The following ATP4B variants were observed in gnomAD, a reference collection of about 807,000 sequenced individuals.
The protein encoded by ATP4B is potassium-transporting ATPase subunit beta.
In ATP4B, 27 loss-of-function variants were observed where a neutral mutation model predicts 35.3. That is an observed-to-expected ratio of 0.76 (90% CI 0.56 to 1.05). ATP4B has a LOEUF of 1.05. Ranked by LOEUF, ATP4B falls within the 50% of genes least tolerant of loss-of-function variation. ATP4B has a pLI of 0.00. For synonymous variants in ATP4B, 162 were observed against 156.0 expected (o/e 1.04, Z -0.29); for missense variants, 375 against 384.8 (o/e 0.97, Z 0.21).
Position 113,650,351 on chromosome 13 carries a change from A to T in ATP4B, c.714+55T>A. Reference sequence around the variant, plus strand: ...GGGGCTTATTGCTTTCCTTTCGCTAAGTGTGAGAGGACTCAGCAGCTGTGG... The same window carrying T: ...GGGGCTTATTGCTTTCCTTTCGCTATGTGTGAGAGGACTCAGCAGCTGTGG... On this transcript the variant is annotated intron_variant, in intron 6 of 6. Transcript: ENST00000335288. The surrounding 1 kb of genome is among the most constrained non-coding windows in gnomAD (Gnocchi z 5.0). 2 of 1,523,976 alleles carry T rather than the reference A, an allele frequency of 1.3e-6. No individual in the cohort carries two copies. The highest frequency in any genetic ancestry group is 1.8e-6 in the Non-Finnish European group (2 of 1,099,164). The allele number at this position is 1,523,976 out of a possible 1,614,324, so 94.4% of individuals were successfully genotyped here. A position where few individuals can be genotyped will look rare whatever the true frequency, so the allele number is the denominator to read the frequency against.
At chr13:113,657,892 G>A (rs935703084) in intron 1 of ATP4B, 141 bp downstream of exon 1, 22 of 703,012 alleles carry the variant, frequency 3.1e-5, no homozygotes, top group African/African-American at 1.1e-4. Flanking sequence ...GGCCCTGGCC[G>A]AAGCCCGTCC....
intron 1 of ATP4B, among the ~76,000 whole-genome samples, chr13:113,656,941 G>T (rs2049759543): frequency 6.6e-6 from 1 of 152,092 alleles, no homozygotes; most frequent in Non-Finnish European, 1.5e-5. Flanking sequence ...CCGCTCTGCC[G>T]CCCCGCCTGG....
Position 113,650,613 on chromosome 13 carries a change from T to C in ATP4B, c.613-106A>G. 2 of 761,796 alleles carry C rather than the reference T, an allele frequency of 2.6e-6. No individual in the cohort carries two copies. The highest frequency in any genetic ancestry group is 5.4e-5 in the Admixed American group (2 of 37,068). The allele number at this position is 761,796 out of a possible 1,614,324, so 47.2% of individuals were successfully genotyped here. A position where few individuals can be genotyped will look rare whatever the true frequency, so the allele number is the denominator to read the frequency against. The stretch of plus-strand genomic sequence containing the variant: ...TGCACACACGCGCTGTGTAGGTGCT[T>C]GCATAAACACTTTATTGCATACTTA... On this transcript the variant is annotated intron_variant, in intron 5 of 6. Transcript: ENST00000335288. This position sits in a 1 kb window ranked among gnomAD's most constrained non-coding sequence, Gnocchi z 5.0.
At chr13:113,655,177 G>A (rs2049744599) in intron 1 of ATP4B, among the ~76,000 whole-genome samples, 1 of 152,170 alleles carries the variant, frequency 6.6e-6, no homozygotes. Flanking sequence ...CGTCCACATA[G>A]GCAGAATCCT....
Position 113,653,436 on chromosome 13 carries a change from T to C in ATP4B, c.242-2A>G, listed in dbSNP as rs1486815907. The C allele has an allele frequency of 6.2e-7, 1 of 1,612,344 alleles. No individual in the cohort carries two copies. The highest frequency in any genetic ancestry group is 8.5e-7 in the Non-Finnish European group (1 of 1,178,422). ...AAACATCCGGCCTTAAGGTTACCCC[T>C]GGAGAGAGAGACCTTTGTGCTTAGC... On this transcript the variant is annotated splice_acceptor_variant, in intron 2 of 6. Coordinates refer to ENST00000335288, the MANE Select transcript of ATP4B (RefSeq NM_000705.4). LOFTEE classifies it high-confidence loss of function.
At chr13:113,653,300 A>T in intron 3 of ATP4B, 21 bp downstream of exon 3, 1 of 1,606,410 alleles carries the variant, frequency 6.2e-7, no homozygotes, top group Non-Finnish European at 8.5e-7. Flanking sequence ...TTCACACCTC[A>T]CCTGCCGTTT....
At position 113,649,466 on chromosome 13, in the gene ATP4B, C is replaced by T. The variant is rs143448518; in HGVS notation, c.784G>A (p.Val262Met). Reference sequence around the variant, plus strand: ...ACGTGCTCCGCCATGACCTTGCACACGATGGCGACCTCAGCGTTCCTGGGG... The same window carrying T: ...ACGTGCTCCGCCATGACCTTGCACATGATGGCGACCTCAGCGTTCCTGGGG... ...NIPRNAEVAI[V>M]CKVMAEHVTF... Residue 262 changes from valine (V) to methionine (M), a missense_variant, in exon 7 of 7, where the codon GTG becomes ATG. Physicochemically the swap from Val to Met is conservative, Grantham distance 21. Coordinates refer to ENST00000335288, the MANE Select transcript of ATP4B (RefSeq NM_000705.4). This position sits in a 1 kb window ranked among gnomAD's most constrained non-coding sequence, Gnocchi z 4.7. The T allele has an allele frequency of 1.3e-5, 21 of 1,563,302 alleles. No individual in the cohort carries two copies. Among genetic ancestry groups the T allele is most frequent in the South Asian group, 7.0e-5 (6 of 85,332 alleles).
rs1032549048 is a variant in ATP4B, at chr13:113,655,171, C to T, written c.113-229G>A. 1.2e-4 allele frequency among the ~76,000 whole-genome samples: 19 copies of T among 152,308 alleles called. No individual in the cohort carries two copies. In the South Asian group the frequency reaches 3.7e-3, roughly 30 times the overall value. On this transcript the variant is annotated intron_variant, in intron 1 of 6. Coordinates refer to ENST00000335288, the MANE Select transcript of ATP4B (RefSeq NM_000705.4). ...CTCTGGGTTTGCCCGTCTGGACGTC[C>T]ACATAGGCAGAATCCTGCGACCCGA...
chr13:113,656,674 T>A (rs1458321518), intron 1 of ATP4B, among the ~76,000 whole-genome samples: 1 of 152,138 alleles, frequency 6.6e-6, no homozygotes, highest in Non-Finnish European at 1.5e-5. Flanking sequence ...GAATAACGTG[T>A]CCTATTCCTT....
chr13:113,652,692 G>A, intron 4 of ATP4B, 181 bp downstream of exon 4: 1 of 722,748 alleles, frequency 1.4e-6, no homozygotes, highest in Non-Finnish European at 2.5e-6. Context: ...TTTCAAATTT[G>A]TATCTAAGAA....
chr13:113,649,490 G>A lies in ATP4B; in HGVS notation c.760C>T (p.Pro254Ser), dbSNP rs746038857. 1 of 1,551,762 alleles carries A rather than the reference G, an allele frequency of 6.4e-7. No individual in the cohort carries two copies. The highest frequency in any genetic ancestry group is 1.2e-5 in the South Asian group (1 of 84,406). Reference protein sequence around the residue: ...PLVAAKLLNIPRNAEVAIVCK... With the variant: ...PLVAAKLLNISRNAEVAIVCK... ...ACGATGGCGACCTCAGCGTTCCTGG[G>A]GATGTTGAGGAGCTTCGCTGCCACC... The change falls in exon 7 of 7, where the codon CCC becomes TCC. Residue 254 changes from proline to serine, a missense_variant. Transcript: ENST00000335288. The surrounding 1 kb of genome is among the most constrained non-coding windows in gnomAD (Gnocchi z 4.7).
chr13:113,655,582 G>A (rs543517194), intron 1 of ATP4B, among the ~76,000 whole-genome samples: 10 of 152,324 alleles, frequency 6.6e-5, no homozygotes, highest in South Asian at 2.1e-4. Flanking sequence ...CACCGTCCCC[G>A]TGGCCATGGG....
Position 113,653,038 on chromosome 13 carries a change from G to C in ATP4B, c.390C>G (p.Asn130Lys). 6.2e-7 allele frequency: 1 copy of C among 1,613,376 alleles called. No individual in the cohort carries two copies. Residue 130 changes from asparagine to lysine, a missense_variant, in exon 4 of 7, where the codon AAC becomes AAG. By Grantham distance (94) the Asn-to-Lys change is moderately conservative (BLOSUM62 0). Transcript: ENST00000335288. ...YSPAAQEDSI[N>K]CTSEQYFFQE... is the part of the protein sequence containing the mutation. ...GGAAGAAGTACTGCTCGGAGGTGCA[G>C]TTGATGCTGTCCTCCTGGGCTGCTG...
At position 113,650,512 on chromosome 13, in the gene ATP4B, G is replaced by T. The variant is rs2049704288; in HGVS notation, c.613-5C>A. 6.2e-7 allele frequency: 1 copy of T among 1,608,522 alleles called. No individual in the cohort carries two copies. ...GCCGAGCTCGCGGGGCTGGTCCTGGGGAGGAGAGGCCACTGCCTGAGTCAG... is the reference window on the plus strand; with the variant it reads ...GCCGAGCTCGCGGGGCTGGTCCTGGTGAGGAGAGGCCACTGCCTGAGTCAG... On this transcript the variant is annotated splice_polypyrimidine_tract_variant and splice_region_variant and intron_variant, in intron 5 of 6. Coordinates refer to ENST00000335288, the MANE Select transcript of ATP4B (RefSeq NM_000705.4). This position sits in a 1 kb window ranked among gnomAD's most constrained non-coding sequence, Gnocchi z 5.0.
In ATP4B at chr13:113,649,678, C is replaced by A; in HGVS notation, c.715-143G>T. ...AGACTGGCCCTGACCGAGTGCATGC[C>A]CTGGAATTTGCTGAGATAACACCCC... On this transcript the variant is annotated intron_variant, in intron 6 of 6. Transcript: ENST00000335288. This position sits in a 1 kb window ranked among gnomAD's most constrained non-coding sequence, Gnocchi z 4.7. The A allele has an allele frequency of 1.0e-6, 1 of 964,182 alleles. No individual in the cohort carries two copies. The allele number at this position is 964,182 out of a possible 1,614,324, so 59.7% of individuals were successfully genotyped here. A position where few individuals can be genotyped will look rare whatever the true frequency, so the allele number is the denominator to read the frequency against.
chr13:113,655,165 G>A (rs1432236783), intron 1 of ATP4B, among the ~76,000 whole-genome samples: 1 of 152,158 alleles, frequency 6.6e-6, no homozygotes, highest in African/African-American at 2.4e-5. Flanking sequence ...TGCCCGTCTG[G>A]ACGTCCACAT....
intron 3 of ATP4B, 33 bp downstream of exon 3, chr13:113,653,288 G>A (rs372485483): frequency 8.3e-5 from 129 of 1,554,902 alleles, no homozygotes; most frequent in Middle Eastern, 1.8e-4. Flanking sequence ...CCCACCCGCC[G>A]CTTCACACCT....
In ATP4B at chr13:113,652,972, G is replaced by A; in HGVS notation, c.456C>T (p.Cys152=). Residue 152 remains cysteine, a synonymous_variant, in exon 4 of 7, where the codon TGC becomes TGT. Coordinates refer to ENST00000335288, the MANE Select transcript of ATP4B (RefSeq NM_000705.4). ...FRAPNHTKFS[C]KFTADMLQNC... ...TCTGCAGCATATCTGCCGTGAACTT[G>A]CAGGAGAACTTGGTGTGGTTGGGAG... is the stretch of plus-strand genomic sequence containing the variant. The A allele has an allele frequency of 1.9e-6, 3 of 1,614,232 alleles. No homozygotes were observed. The highest frequency in any genetic ancestry group is 2.5e-6 in the Non-Finnish European group (3 of 1,180,048).
chr13:113,651,636 T>G (rs2049712747), intron 5 of ATP4B, 35 bp downstream of exon 5: 2 of 1,562,752 alleles, frequency 1.3e-6, no homozygotes, highest in Admixed American at 3.8e-5. Flanking sequence ...GCTCCTTTCC[T>G]GGGGCAGCCC....
Sources: allele counts gnomAD v4.1 joint callset (sites outside exome capture counted in the v4.1 genomes callset), GRCh38; gene constraint gnomAD v4.1.1; non-coding constraint Gnocchi (gnomAD v3.1); transcripts MANE v1.5; gene names NCBI Gene and HGNC (gene_info 2026-07-23, HGNC 2026-07-21).